Variants in GRIN2B observed in about 807,000 individuals in gnomAD.
GRIN2B encodes the protein glutamate ionotropic receptor NMDA type subunit 2B, also known as glutamate receptor ionotropic, NMDA 2B.
Under a neutral mutation model 114.5 loss-of-function variants are expected in GRIN2B, and 5 were observed. That is an observed-to-expected ratio of 0.04 (90% CI 0.02 to 0.09). The LOEUF (loss-of-function observed/expected upper bound fraction) is 0.09, where lower values mean the gene tolerates loss of function less well. GRIN2B is among the 10% of genes least tolerant of loss of function. The pLI is 1.00. For synonymous variants in GRIN2B, 787 were observed against 745.1 expected (o/e 1.06, Z -0.92); for missense variants, 1,108 against 1,943.5 (o/e 0.57, Z 8.08).
intron 3 of GRIN2B, among the ~76,000 whole-genome samples, chr12:13,771,070 G>A (rs954120165): frequency 6.6e-6 from 1 of 152,168 alleles, no homozygotes; most frequent in African/African-American, 2.4e-5. Context: ...TATGTCATAG[G>A]AGGGACCCAG....
At chr12:13,848,431 GAA>G (rs1400855196) in intron 3 of GRIN2B, among the ~76,000 whole-genome samples, 1 of 152,070 alleles carries the variant, frequency 6.6e-6, no homozygotes, top group Non-Finnish European at 1.5e-5. Context: ...AGGGAAGCAG[GAA>G]AAGAGTCCTC....
At chr12:13,956,710 A>G (rs1867598792) in intron 2 of GRIN2B, among the ~76,000 whole-genome samples, 1 of 152,106 alleles carries the variant, frequency 6.6e-6, no homozygotes, top group Non-Finnish European at 1.5e-5. Context: ...ACAGAACAAA[A>G]CTTCCATTTC....
chr12:13,714,636 C>T (rs918093760), intron 4 of GRIN2B, among the ~76,000 whole-genome samples: 2 of 151,840 alleles, frequency 1.3e-5, no homozygotes, highest in African/African-American at 4.8e-5. Context: ...AGGGGGAACG[C>T]TGGTTGGTTA....
At chr12:13,795,519 T>A (rs1010532450) in intron 3 of GRIN2B, among the ~76,000 whole-genome samples, 1 of 152,232 alleles carries the variant, frequency 6.6e-6, no homozygotes, top group Non-Finnish European at 1.5e-5. Context: ...TTGTTGCATA[T>A]GTTGTAAGAA....
At chr12:13,712,234 TG>T (rs1950421239) in intron 4 of GRIN2B, among the ~76,000 whole-genome samples, 2 of 41,152 alleles carry the variant, frequency 4.9e-5, no homozygotes, top group Admixed American at 5.5e-4. Flanking sequence ...TGTTGTAGGG[TG>T]GGGGGAAGGG....
chr12:13,712,345 G>A (rs1324921779), intron 4 of GRIN2B, among the ~76,000 whole-genome samples: 1 of 151,804 alleles, frequency 6.6e-6, no homozygotes, highest in South Asian at 2.1e-4. Context: ...AAACCTGCAC[G>A]TTGTGCACAT....
At chr12:13,608,875 G>T in intron 9 of GRIN2B, 43 bp from the exon 10 acceptor site, 1 of 1,456,198 alleles carries the variant, frequency 6.9e-7, no homozygotes, top group Non-Finnish European at 9.6e-7. Context: ...AGCCATTGTG[G>T]CTGGTTCTGT....
At chr12:13,851,086 C>G (rs1424038940) in intron 3 of GRIN2B, among the ~76,000 whole-genome samples, 1 of 152,050 alleles carries the variant, frequency 6.6e-6, no homozygotes, top group Non-Finnish European at 1.5e-5. Flanking sequence ...AAATTTGGCC[C>G]ACCCCACTCT....
intron 4 of GRIN2B, among the ~76,000 whole-genome samples, chr12:13,698,299 C>A (rs1565504599): frequency 6.6e-6 from 1 of 152,204 alleles, no homozygotes; most frequent in Non-Finnish European, 1.5e-5. Flanking sequence ...CTTGTTGAAA[C>A]AATGAAACCC....
rs1293536300 is a variant in GRIN2B, at chr12:13,541,994, T to C, written c.*20789A>G. The C allele has an allele frequency of 6.6e-6, 1 of 152,212 alleles. No homozygotes were observed. The highest frequency in any genetic ancestry group is 1.9e-4 in the East Asian group (1 of 5,194). The allele number at this position is 152,212 out of a possible 1,614,324, so 9.4% of individuals were successfully genotyped here. On this transcript the variant is annotated 3_prime_UTR_variant, in exon 14 of 14. Coordinates refer to ENST00000609686, the MANE Select transcript of GRIN2B (RefSeq NM_000834.5). ...CTCCTTGCCAAACTACTTGTTTTTTTCAGACCCTCCCCAAGAGTCCTCACT... is the reference window on the plus strand; with the variant it reads ...CTCCTTGCCAAACTACTTGTTTTTTCCAGACCCTCCCCAAGAGTCCTCACT...
Position 13,821,212 on chromosome 12 carries a change from A to G in GRIN2B, c.411+44586T>C, listed in dbSNP as rs141265278. ...AACCTGAAAAACTCAAGTATTTTTC[A>G]GGGACCAGCTCAAGTGTCATTTCTT... On this transcript the variant is annotated intron_variant, in intron 3 of 13. Coordinates refer to ENST00000609686, the MANE Select transcript of GRIN2B (RefSeq NM_000834.5). Among the ~76,000 whole-genome samples, 34 of 152,264 alleles carry G rather than the reference A, an allele frequency of 2.2e-4. No homozygotes were observed. In the East Asian group the frequency reaches 5.4e-3, roughly 24 times the overall value.
chr12:13,804,389 T>C (rs542189251), intron 3 of GRIN2B, among the ~76,000 whole-genome samples: 3 of 152,284 alleles, frequency 2.0e-5, no homozygotes, highest in African/African-American at 7.2e-5. Context: ...GCCTTTTAGG[T>C]TCTCCACAAT....
At chr12:13,889,239 T>C (rs1028402198) in intron 2 of GRIN2B, among the ~76,000 whole-genome samples, 1 of 152,148 alleles carries the variant, frequency 6.6e-6, no homozygotes, top group African/African-American at 2.4e-5. Context: ...TCCATTATCA[T>C]CTTATGGGAC....
chr12:13,547,981 A>ATATATATTTTTTTTTTTTT lies in GRIN2B; in HGVS notation c.*14801_*14802insAAAAAAAAAAAAATATATA. The ATATATATTTTTTTTTTTTT allele has an allele frequency of 1.5e-5, 1 of 68,594 alleles. No homozygotes were observed. Among genetic ancestry groups the ATATATATTTTTTTTTTTTT allele is most frequent in the African/African-American group, 4.6e-5 (1 of 21,784 alleles). 4.2% of individuals were successfully genotyped at this position (68,594 alleles called of 1,614,324 possible). A position where few individuals can be genotyped will look rare whatever the true frequency, so the allele number is the denominator to read the frequency against. ...TGTGTATATATATATATATATATAT[A>ATATATATTTTTTTTTTTTT]TTTTTTTTTTTTTTCTGAAAGCTAC... is the stretch of plus-strand genomic sequence containing the variant. On this transcript the variant is annotated 3_prime_UTR_variant, in exon 14 of 14. Transcript: ENST00000609686.
intron 10 of GRIN2B, among the ~76,000 whole-genome samples, chr12:13,574,959 T>C (rs1339653758): frequency 2.6e-5 from 4 of 152,334 alleles, no homozygotes; most frequent in African/African-American, 7.2e-5. Flanking sequence ...TCAGTGGAGA[T>C]AGGATGGCCT....
chr12:13,924,562 A>G (rs778083761), intron 2 of GRIN2B, among the ~76,000 whole-genome samples: 8 of 152,092 alleles, frequency 5.3e-5, no homozygotes, highest in Non-Finnish European at 1.0e-4. Context: ...GGGCCATCTA[A>G]CCTCACCCTC....
At chr12:13,887,425 T>C (rs895772947) in intron 2 of GRIN2B, among the ~76,000 whole-genome samples, 21 of 152,034 alleles carry the variant, frequency 1.4e-4, no homozygotes, top group African/African-American at 4.8e-4. Context: ...AAAAAAAAGT[T>C]TTCTCTATCC....
intron 13 of GRIN2B, 32 bp downstream of exon 13, chr12:13,566,993 C>T (rs200567086): frequency 1.2e-5 from 17 of 1,452,322 alleles, no homozygotes; most frequent in Non-Finnish European, 1.6e-5. Flanking sequence ...CTGTCCCTAA[C>T]AAGCTTTAGG....
At chr12:13,960,503 T>C (rs1320621376) in intron 2 of GRIN2B, among the ~76,000 whole-genome samples, 1 of 152,004 alleles carries the variant, frequency 6.6e-6, no homozygotes, top group African/African-American at 2.4e-5. Flanking sequence ...CAAAAGCACT[T>C]TGAAGACACC....
Sources: gnomAD v4.1 joint callset for allele counts (sites outside exome capture counted in the v4.1 genomes callset) on GRCh38, gnomAD v4.1.1 for gene constraint, MANE v1.5 for transcripts, NCBI Gene and HGNC (gene_info 2026-07-23, HGNC 2026-07-21) for gene names.